The following FARP1 variants were observed in gnomAD, a reference collection of about 807,000 sequenced individuals.
FARP1 encodes the protein FERM, ARH/RhoGEF and pleckstrin domain protein 1.
Under a neutral mutation model 128.8 loss-of-function variants are expected in FARP1, and 52 were observed. That is an observed-to-expected ratio of 0.40 (90% confidence interval 0.32 to 0.51). FARP1 has a LOEUF of 0.51. FARP1 is among the 20% of genes least tolerant of loss of function. FARP1 has a pLI of 0.45. For synonymous variants in FARP1, 580 were observed against 551.8 expected (o/e 1.05, Z -0.72); for missense variants, 1,333 against 1,367.9 (o/e 0.97, Z 0.40).
Position 98,324,392 on chromosome 13 carries a change from T to C in FARP1, c.172-19370T>C, listed in dbSNP as rs374608715. Among the ~76,000 whole-genome samples the C allele has an allele frequency of 2.3e-4, 35 of 152,298 alleles. No individual in the cohort carries two copies. In the South Asian group the frequency reaches 5.0e-3, roughly 22 times the overall value. On this transcript the variant is annotated intron_variant, in intron 2 of 26. Transcript: ENST00000319562. The stretch of plus-strand genomic sequence containing the variant: ...CTTTTTGTGTAAGATCTATTTTGTA[T>C]TGGGTAACCTTGGCATTCAGTGTTT...
At chr13:98,447,826 C>G (rs934825771) in intron 26 of FARP1, 5 of 178,368 alleles carry the variant, frequency 2.8e-5, no homozygotes, top group South Asian at 1.2e-4. Flanking sequence ...GTATGAGTGA[C>G]AGAGCCAGAC....
Position 98,412,034 on chromosome 13 carries a change from G to C in FARP1, c.1826G>C (p.Trp609Ser). The change falls in exon 16 of 27, where the codon TGG (tryptophan) becomes TCG (serine). Residue 609 changes from tryptophan (W) to serine (S), a missense_variant and splice_region_variant. Physicochemically the swap from Trp to Ser is radical, Grantham distance 177. Coordinates refer to ENST00000319562, the MANE Select transcript of FARP1 (RefSeq NM_005766.4). ...LKEIEQRLAL[W>S]EGRSNAQIRD... ...GAAATTGAGCAACGACTTGCCCTGT[G>C]GTGAGTACATTTCTACTTCCCAGCT... 2.5e-6 allele frequency: 4 copies of C among 1,613,786 alleles called. No individual in the cohort carries two copies. The highest frequency in any genetic ancestry group is 2.5e-6 in the Non-Finnish European group (3 of 1,179,820).
At chr13:98,391,137 A>T (rs1346741827) in intron 11 of FARP1, among the ~76,000 whole-genome samples, 1 of 152,144 alleles carries the variant, frequency 6.6e-6, no homozygotes, top group African/African-American at 2.4e-5. Context: ...GGGGAAGGAG[A>T]GAAGGGCTTA....
In FARP1 at chr13:98,440,122, G is replaced by C; in HGVS notation, c.2517-1G>C. On this transcript the variant is annotated splice_acceptor_variant, in intron 22 of 26. Coordinates refer to ENST00000319562, the MANE Select transcript of FARP1 (RefSeq NM_005766.4). LOFTEE classifies it high-confidence loss of function. ...AACACCTGACGCGTCTCTGTCTCCA[G>C]TTCTCGGTCCGAGATGGAGAAGTGG... 1.9e-6 allele frequency: 3 copies of C among 1,612,914 alleles called. No homozygotes were observed. The highest frequency in any genetic ancestry group is 2.5e-6 in the Non-Finnish European group (3 of 1,178,914).
intron 2 of FARP1, among the ~76,000 whole-genome samples, chr13:98,272,560 G>A (rs796987914): frequency 6.6e-5 from 10 of 152,254 alleles, no homozygotes; most frequent in Admixed American, 2.0e-4. Flanking sequence ...CAATATTAAC[G>A]TGCAGATATG....
At chr13:98,269,169 T>A (rs1331081386) in intron 2 of FARP1, among the ~76,000 whole-genome samples, 2 of 152,228 alleles carry the variant, frequency 1.3e-5, no homozygotes, top group African/African-American at 4.8e-5. Context: ...TGACCCTTGA[T>A]ATGCTTGTTT....
intron 19 of FARP1, among the ~76,000 whole-genome samples, chr13:98,437,435 T>C (rs1190786451): frequency 1.3e-5 from 2 of 149,702 alleles, no homozygotes; most frequent in Non-Finnish European, 2.9e-5. Context: ...AAAGGCAGGC[T>C]TATTCGAGAA....
chr13:98,394,218 G>T (rs1165383246), intron 12 of FARP1, among the ~76,000 whole-genome samples: 1 of 152,186 alleles, frequency 6.6e-6, no homozygotes, highest in East Asian at 1.9e-4. Flanking sequence ...TGCTCTGAGG[G>T]TGGCAAAAGC....
intron 3 of FARP1, among the ~76,000 whole-genome samples, chr13:98,354,971 T>C (rs2139924554): frequency 6.6e-6 from 1 of 152,332 alleles, no homozygotes; most frequent in Non-Finnish European, 1.5e-5. Flanking sequence ...ATCTCATTAA[T>C]CATGTTTTTA....
At chr13:98,376,759 GTT>G (rs34686053) in intron 5 of FARP1, among the ~76,000 whole-genome samples, 22,577 of 103,912 alleles carry the variant, frequency 0.22, 1,831 homozygotes, top group African/African-American at 0.35. Flanking sequence ...GGTTTTTTGT[GTT>G]TTTTTTTTTT....
intron 17 of FARP1, among the ~76,000 whole-genome samples, chr13:98,427,015 T>C (rs1470296759): frequency 6.6e-6 from 1 of 152,138 alleles, no homozygotes. Context: ...TGCATTGGCG[T>C]GGTGCTCGTG....
At position 98,192,377 on chromosome 13, in the gene FARP1, A is replaced by G. The variant is rs1433392888; in HGVS notation, c.-23-20843A>G. On this transcript the variant is annotated intron_variant, in intron 1 of 26. Transcript: ENST00000319562. ...AATCACATTGCCATCAACCCCAGCA[A>G]TGTAACATTGACTGTTACTTTTTTT... Among the ~76,000 whole-genome samples, 3 of 152,060 alleles carry G rather than the reference A, an allele frequency of 2.0e-5. No homozygotes were observed. In the East Asian group the frequency reaches 5.8e-4, roughly 29 times the overall value.
At chr13:98,197,762 G>A (rs912787220) in intron 1 of FARP1, among the ~76,000 whole-genome samples, 16 of 151,918 alleles carry the variant, frequency 1.1e-4, no homozygotes, top group African/African-American at 2.7e-4. Flanking sequence ...AGCCTCCCGA[G>A]TAGCTGGGTC....
At chr13:98,281,369 AG>A (rs1011037324) in intron 2 of FARP1, among the ~76,000 whole-genome samples, 1 of 111,254 alleles carries the variant, frequency 9.0e-6, no homozygotes, top group African/African-American at 3.1e-5. Flanking sequence ...TCTGTCTTGG[AG>A]GGAAAAAAAA....
At chr13:98,447,084 C>CT (rs1566329791) in intron 26 of FARP1, 3 of 424,600 alleles carry the variant, frequency 7.1e-6, no homozygotes, top group African/African-American at 6.0e-5. Context: ...ATAACGTGTC[C>CT]GGGATGATGA....
At position 98,377,839 on chromosome 13, in the gene FARP1, G is replaced by A; in HGVS notation, c.417G>A (p.Gln139=). The change falls in exon 6 of 27, where the codon CAG becomes CAA. Residue 139 remains glutamine, a synonymous_variant. Transcript: ENST00000319562. ...TTCGCAGGTACCTGTTCGCGCTGCAGGTGAAGCAGGACTTGGCTCAAGGCA... is the reference window on the plus strand; with the variant it reads ...TTCGCAGGTACCTGTTCGCGCTGCAAGTGAAGCAGGACTTGGCTCAAGGCA... The part of the protein sequence containing the change: ...EELTRYLFAL[Q]VKQDLAQGRL... 6.2e-7 allele frequency: 1 copy of A among 1,613,992 alleles called. No homozygotes were observed. Among genetic ancestry groups the A allele is most frequent in the East Asian group, 2.2e-5 (1 of 44,886 alleles).
intron 19 of FARP1, among the ~76,000 whole-genome samples, chr13:98,437,067 C>A (rs1892299373): frequency 6.6e-6 from 1 of 152,174 alleles, no homozygotes; most frequent in Admixed American, 6.5e-5. Context: ...TCATTAAGAT[C>A]AAATGAGATT....
At chr13:98,376,029 A>G (rs1889566553) in intron 5 of FARP1, among the ~76,000 whole-genome samples, 2 of 152,248 alleles carry the variant, frequency 1.3e-5, no homozygotes. Context: ...AGTTTGTATC[A>G]TTATTTTCAC....
chr13:98,330,255 C>G (rs1004995739), intron 2 of FARP1, among the ~76,000 whole-genome samples: 8 of 151,964 alleles, frequency 5.3e-5, no homozygotes, highest in Admixed American at 3.3e-4. Flanking sequence ...TCACTGGGGA[C>G]CCTTTTTTCC....
Sources: allele counts gnomAD v4.1 joint callset (sites outside exome capture counted in the v4.1 genomes callset), GRCh38; gene constraint gnomAD v4.1.1; transcripts MANE v1.5; gene names NCBI Gene and HGNC (gene_info 2026-07-23, HGNC 2026-07-21).